The following AP1G1 variants were observed in gnomAD, a reference collection of about 807,000 sequenced individuals.
AP1G1 encodes the protein adaptor related protein complex 1 subunit gamma 1.
A neutral mutation model predicts 108.3 loss-of-function variants in AP1G1; 7 were observed. That is an observed-to-expected ratio of 0.06 (90% confidence interval 0.04 to 0.12). The LOEUF is 0.12. Ranked by LOEUF, AP1G1 falls within the 10% of genes least tolerant of loss-of-function variation. The pLI is 1.00. For missense variants in AP1G1, 756 were observed against 1,010.7 expected (o/e 0.75, Z 3.42); for synonymous variants, 379 against 353.5 (o/e 1.07, Z -0.81).
At chr16:71,790,527 C>CAAAAAAA (rs56380847) in intron 1 of AP1G1, among the ~76,000 whole-genome samples, 1 of 104,840 alleles carries the variant, frequency 9.5e-6, no homozygotes. Flanking sequence ...AACTCCATCT[C>CAAAAAAA]AAAAAAAAAA....
intron 1 of AP1G1, among the ~76,000 whole-genome samples, chr16:71,803,829 G>A (rs1242928498): frequency 6.7e-6 from 1 of 149,738 alleles, no homozygotes; most frequent in Non-Finnish European, 1.5e-5. Context: ...GGAGGCTGAG[G>A]CAGAAGAATT....
chr16:71,801,265 G>A (rs186194323), intron 1 of AP1G1, among the ~76,000 whole-genome samples: 224 of 150,950 alleles, frequency 1.5e-3, no homozygotes, highest in Admixed American at 2.2e-3. Context: ...GGGTGACAGG[G>A]TAAGACTCCA....
intron 1 of AP1G1, among the ~76,000 whole-genome samples, chr16:71,803,117 A>C (rs2032867322): frequency 6.6e-6 from 1 of 151,450 alleles, no homozygotes; most frequent in South Asian, 2.1e-4. Context: ...CGGGAGGCTG[A>C]GCACAAGAAT....
chr16:71,758,890 C>T lies in AP1G1; in HGVS notation c.1006G>A (p.Val336Ile), dbSNP rs143356205. 19 of 1,605,006 alleles carry T rather than the reference C, an allele frequency of 1.2e-5. No individual in the cohort carries two copies. Among genetic ancestry groups the T allele is most frequent in the Middle Eastern group, 1.6e-4 (1 of 6,064 alleles). ...YVALTSLLKT[V>I]QTDHNAVQRH... is the part of the protein sequence containing the mutation. ...TGTACTGCATTATGATCTGTCTGTACAGTCTTCAACAAAGATGTCAGAGCC... is the reference window on the plus strand; with the variant it reads ...TGTACTGCATTATGATCTGTCTGTATAGTCTTCAACAAAGATGTCAGAGCC... Residue 336 changes from valine (V) to isoleucine (I), a missense_variant, in exon 11 of 23, where the codon GTA (valine) becomes ATA (isoleucine). Around this residue, in one of 3 missense-constraint regions of AP1G1, gnomAD observed 304 missense variants for 483.6 expected, o/e 0.63. Transcript: ENST00000299980.
chr16:71,770,781 A>G (rs992477527), intron 5 of AP1G1, among the ~76,000 whole-genome samples: 2 of 152,204 alleles, frequency 1.3e-5, no homozygotes, highest in African/African-American at 4.8e-5. Flanking sequence ...CACAAATCTT[A>G]TACTCCTACC....
intron 12 of AP1G1, among the ~76,000 whole-genome samples, chr16:71,754,259 AAAG>A (rs1057433586): frequency 1.3e-5 from 2 of 151,418 alleles, no homozygotes; most frequent in African/African-American, 4.8e-5. Context: ...AGAAGAAAGA[AAAG>A]AAAGAAGGAA....
rs761354265 is a variant in AP1G1, at chr16:71,758,906, T to C, written c.990A>G (p.Thr330=). The change falls in exon 11 of 23, where the codon ACA becomes ACG. Residue 330 remains threonine, a synonymous_variant. Transcript: ENST00000299980. ...CTGTCTGTACAGTCTTCAACAAAGA[T>C]GTCAGAGCCACATATCTGGATGAAA... ...NDKNIRYVAL[T]SLLKTVQTDH... The C allele has an allele frequency of 1.1e-5, 17 of 1,594,502 alleles. No homozygotes were observed. The South Asian group carries it at 2.0e-4, about 18-fold the overall frequency.
At chr16:71,794,476 ATAGAT>A (rs2032509336) in intron 1 of AP1G1, among the ~76,000 whole-genome samples, 1 of 152,216 alleles carries the variant, frequency 6.6e-6, no homozygotes, top group African/African-American at 2.4e-5. Context: ...GACACGGATT[ATAGAT>A]TAATGTGTTT....
intron 1 of AP1G1, among the ~76,000 whole-genome samples, chr16:71,794,713 C>T (rs77823468): frequency 0.23 from 34,791 of 151,480 alleles, 4,656 homozygotes; most frequent in Non-Finnish European, 0.31. Context: ...GTGCATGTTT[C>T]AATTCTCCTA....
chr16:71,793,995 G>A (rs566311688), intron 1 of AP1G1, among the ~76,000 whole-genome samples: 2 of 152,210 alleles, frequency 1.3e-5, no homozygotes, highest in African/African-American at 4.8e-5. Context: ...TGGGATTACA[G>A]GCATGAGCAA....
At chr16:71,756,219 C>T in intron 11 of AP1G1, 60 bp from the exon 12 acceptor site, 1 of 1,521,320 alleles carries the variant, frequency 6.6e-7, no homozygotes, top group Non-Finnish European at 9.0e-7. Context: ...GAAACAAAGA[C>T]CCAGGTATGC....
At chr16:71,767,121 T>C (rs1243582636) in intron 6 of AP1G1, among the ~76,000 whole-genome samples, 1 of 152,204 alleles carries the variant, frequency 6.6e-6, no homozygotes, top group Non-Finnish European at 1.5e-5. Flanking sequence ...GGAAAAGTCA[T>C]TTTTCCTTGG....
At chr16:71,767,865 G>A (rs927584471) in intron 6 of AP1G1, 2 of 1,598,942 alleles carry the variant, frequency 1.3e-6, no homozygotes, top group Admixed American at 1.7e-5. Context: ...CTAAAAGAGG[G>A]TTAATTCTTA....
chr16:71,749,801 T>C (rs559967476), intron 15 of AP1G1, 93 bp downstream of exon 15: 3 of 1,113,986 alleles, frequency 2.7e-6, no homozygotes, highest in Middle Eastern at 2.0e-4. Flanking sequence ...TAAAAAGTTT[T>C]CAAGGAATCA....
At chr16:71,785,275 T>A (rs1235885731) in intron 2 of AP1G1, among the ~76,000 whole-genome samples, 1 of 152,052 alleles carries the variant, frequency 6.6e-6, no homozygotes, top group Non-Finnish European at 1.5e-5. Flanking sequence ...AAAACATATT[T>A]AAAAGTCTTC....
At chr16:71,748,433 T>C (rs906866354) in intron 15 of AP1G1, 55 bp from the exon 16 acceptor site, 31 of 1,572,944 alleles carry the variant, frequency 2.0e-5, no homozygotes, top group Non-Finnish European at 2.2e-5. Context: ...TGATTAAGCA[T>C]CTAAATCTGA....
intron 22 of AP1G1, among the ~76,000 whole-genome samples, chr16:71,733,935 A>T (rs1210366468): frequency 6.6e-6 from 1 of 152,214 alleles, no homozygotes; most frequent in Non-Finnish European, 1.5e-5. Context: ...ATACAAATGC[A>T]CTAAGACATT....
At chr16:71,764,249 G>A (rs1359390095) in intron 9 of AP1G1, 101 bp downstream of exon 9, 1 of 637,538 alleles carries the variant, frequency 1.6e-6, no homozygotes, top group Admixed American at 3.6e-5. Flanking sequence ...CTTTCTTAAA[G>A]TCGAGTTCCA....
intron 16 of AP1G1, 105 bp from the exon 17 acceptor site, chr16:71,746,797 A>G (rs538030165): frequency 2.7e-6 from 2 of 734,774 alleles, no homozygotes; most frequent in Admixed American, 2.8e-5. Context: ...ATACTGAAAT[A>G]CTCATTTTTT....
Sources: gnomAD v4.1 joint callset for allele counts (sites outside exome capture counted in the v4.1 genomes callset) on GRCh38, gnomAD v4.1.1 for gene constraint, gnomAD v4.1.1 regional missense constraint, MANE v1.5 for transcripts, NCBI Gene and HGNC (gene_info 2026-07-23, HGNC 2026-07-21) for gene names.